Variants in ALDOB observed in about 807,000 individuals in gnomAD.
ALDOB encodes fructose-bisphosphate aldolase B.
ALDOB carries 39 observed loss-of-function variants against 41.0 expected under a neutral mutation model. The observed-to-expected ratio is 0.95, with a 90% confidence interval of 0.74 to 1.24. The LOEUF (loss-of-function observed/expected upper bound fraction) is 1.24, where lower values mean the gene tolerates loss of function less well. Among genes scored for constraint, ALDOB ranks in the 50% most tolerant of loss-of-function variants. The probability of loss-of-function intolerance (pLI) is 0.00; values close to 1 mark genes in which losing one functional copy is unlikely to be tolerated. For synonymous variants in ALDOB, 175 were observed against 168.8 expected (o/e 1.04, Z -0.28); for missense variants, 530 against 457.3 (o/e 1.16, Z -1.45).
intron 2 of ALDOB, 93 bp from the exon 3 acceptor site, chr9:101,430,059 G>A (rs1831195472): frequency 2.3e-5 from 26 of 1,131,478 alleles, no homozygotes; most frequent in Non-Finnish European, 3.4e-5. Context: ...CACCACAGTG[G>A]AAAGCAAGAC....
intron 1 of ALDOB, among the ~76,000 whole-genome samples, chr9:101,431,491 G>A (rs763208780): frequency 5.9e-5 from 9 of 152,144 alleles, no homozygotes; most frequent in African/African-American, 1.4e-4. Flanking sequence ...AAACCACTTG[G>A]GGCAGACCAG....
chr9:101,424,301 C>A (rs1831091643), intron 8 of ALDOB, among the ~76,000 whole-genome samples: 1 of 152,108 alleles, frequency 6.6e-6, no homozygotes, highest in Non-Finnish European at 1.5e-5. Flanking sequence ...TGCCTCTAGT[C>A]CCAGCTACTT....
At chr9:101,433,118 C>A (rs1831243515) in intron 1 of ALDOB, among the ~76,000 whole-genome samples, 1 of 152,170 alleles carries the variant, frequency 6.6e-6, no homozygotes. Flanking sequence ...TCTATGAGCA[C>A]CCTGCTCATT....
chr9:101,430,032 A>G (rs915130222), intron 2 of ALDOB, 66 bp from the exon 3 acceptor site: 20 of 1,351,564 alleles, frequency 1.5e-5, no homozygotes, highest in South Asian at 2.3e-5. Flanking sequence ...CCTTCTCCAC[A>G]TCATCTCAGA....
At position 101,430,729 on chromosome 9, in the gene ALDOB, GA is replaced by G. The variant is rs760291574; in HGVS notation, c.112+46del. The G allele has an allele frequency of 5.0e-5, 72 of 1,433,768 alleles. No individual in the cohort carries two copies. In the African/African-American group the frequency reaches 8.7e-4, roughly 17 times the overall value. 88.8% of individuals were successfully genotyped at this position (1,433,768 alleles called of 1,614,324 possible). A position where few individuals can be genotyped will look rare whatever the true frequency, so the allele number is the denominator to read the frequency against. ...TATCAAGTTGTTTTTGCTAAGTGTAGAAAAAATAATATGTTGTTATATGATG... is the reference window on the plus strand; with the variant it reads ...TATCAAGTTGTTTTTGCTAAGTGTAGAAAAATAATATGTTGTTATATGATG... On this transcript the variant is annotated intron_variant, in intron 2 of 8. Transcript: ENST00000647789.
At position 101,425,570 on chromosome 9, in the gene ALDOB, G is replaced by T; in HGVS notation, c.682C>A (p.Leu228Met). ...GCAGTCACCATGTTGGGCTTTAGCA[G>T]GGTGCCCTCCAGGTAAACATGATGG... ...NDHHVYLEGT[L>M]LKPNMVTAGH... is the part of the protein sequence containing the mutation. Residue 228 changes from leucine (L) to methionine (M), a missense_variant, in exon 7 of 9, where the codon CTG becomes ATG. Transcript: ENST00000647789. 6.2e-7 allele frequency: 1 copy of T among 1,614,170 alleles called. No individual in the cohort carries two copies. The highest frequency in any genetic ancestry group is 8.5e-7 in the Non-Finnish European group (1 of 1,180,032).
At position 101,427,647 on chromosome 9, in the gene ALDOB, A is replaced by G; in HGVS notation, c.380-5T>C. ...GCTCTGAGAGGCCATCAAGCCCTGC[A>G]AGTCACAAAAGAGAGAAAGGCTTCT... On this transcript the variant is annotated splice_polypyrimidine_tract_variant and splice_region_variant and intron_variant, in intron 4 of 8. Transcript: ENST00000647789. The G allele has an allele frequency of 6.2e-7, 1 of 1,614,040 alleles. No homozygotes were observed.
In ALDOB at chr9:101,424,895, C is replaced by T. The variant is rs1434492091; in HGVS notation, c.947G>A (p.Gly316Asp). The stretch of plus-strand genomic sequence containing the variant: ...GGTTGCCTCCTTGTTTGCAGCCTTG[C>T]CACCCCAGGCAGCCAGTGCACTGGC... ...LQASALAAWG[G>D]KAANKEATQE... The change falls in exon 8 of 9, where the codon GGC (glycine) becomes GAC (aspartate). Residue 316 changes from glycine to aspartate, a missense_variant. Physicochemically the swap from Gly to Asp is moderately conservative, Grantham distance 94. Transcript: ENST00000647789. The T allele has an allele frequency of 9.9e-6, 16 of 1,613,922 alleles. No homozygotes were observed. Among genetic ancestry groups the T allele is most frequent in the Non-Finnish European group, 1.4e-5 (16 of 1,180,048 alleles).
chr9:101,429,469 TA>T (rs1395974501), intron 3 of ALDOB, among the ~76,000 whole-genome samples: 2 of 152,214 alleles, frequency 1.3e-5, no homozygotes, highest in Non-Finnish European at 2.9e-5. Flanking sequence ...TAGAAACTTT[TA>T]GTCATTTCAT....
At chr9:101,424,511 G>T (rs147031198) in intron 8 of ALDOB, among the ~76,000 whole-genome samples, 1 of 152,046 alleles carries the variant, frequency 6.6e-6, no homozygotes, top group Non-Finnish European at 1.5e-5. Context: ...CAATATAATC[G>T]CTGCTTTTCT....
intron 8 of ALDOB, 71 bp from the exon 9 acceptor site, chr9:101,421,975 C>A: frequency 7.9e-7 from 1 of 1,272,784 alleles, no homozygotes; most frequent in Middle Eastern, 2.0e-4. Flanking sequence ...GTCTGCCTCT[C>A]ATGGGAAACC....
Position 101,425,534 on chromosome 9 carries a change from A to G in ALDOB, c.718T>C (p.Cys240Arg), listed in dbSNP as rs1831115180. 6.2e-7 allele frequency: 1 copy of G among 1,614,150 alleles called. No individual in the cohort carries two copies. The highest frequency in any genetic ancestry group is 8.5e-7 in the Non-Finnish European group (1 of 1,180,012). The change falls in exon 7 of 9, where the codon TGC becomes CGC. Residue 240 changes from cysteine (C) to arginine (R), a missense_variant. Transcript: ENST00000647789. The stretch of plus-strand genomic sequence containing the variant: ...TGTTCTGGAGTATACTTCTTGGTGC[A>G]GGCATGTCCAGCAGTCACCATGTTG... Reference protein sequence around the residue: ...KPNMVTAGHACTKKYTPEQVA... With the variant: ...KPNMVTAGHARTKKYTPEQVA...
chr9:101,426,585 G>A lies in ALDOB; in HGVS notation c.594C>T (p.Asp198=). ...CAGTAACATACTGGCAGTGTTCCAGGTCATGGTCTCCATCAGGAATTACCT... is the reference window on the plus strand; with the variant it reads ...CAGTAACATACTGGCAGTGTTCCAGATCATGGTCTCCATCAGGAATTACCT... ...EPEVIPDGDH[D]LEHCQYVTEK... The change falls in exon 6 of 9, where the codon GAC becomes GAT. Residue 198 remains aspartate (D), a synonymous_variant. Transcript: ENST00000647789. 1.9e-6 allele frequency: 3 copies of A among 1,612,914 alleles called. No individual in the cohort carries two copies. Among genetic ancestry groups the A allele is most frequent in the Non-Finnish European group, 2.5e-6 (3 of 1,178,912 alleles).
intron 4 of ALDOB, 133 bp from the exon 5 acceptor site, chr9:101,427,775 C>A: frequency 1.9e-6 from 2 of 1,040,262 alleles, no homozygotes; most frequent in Non-Finnish European, 2.9e-6. Context: ...AACAGCCAAG[C>A]ATATCAGCAT....
Position 101,426,593 on chromosome 9 carries a change from C to G in ALDOB, c.586G>C (p.Asp196His). ...IVEPEVIPDG[D>H]HDLEHCQYVT... ...TACTGGCAGTGTTCCAGGTCATGGTCTCCATCAGGAATTACCTCTGGTTCA... is the reference window on the plus strand; with the variant it reads ...TACTGGCAGTGTTCCAGGTCATGGTGTCCATCAGGAATTACCTCTGGTTCA... Residue 196 changes from aspartate to histidine, a missense_variant, in exon 6 of 9, where the codon GAC (aspartate) becomes CAC (histidine). By Grantham distance (81) the Asp-to-His change is moderately conservative. Coordinates refer to ENST00000647789, the MANE Select transcript of ALDOB (RefSeq NM_000035.4). 1.2e-6 allele frequency: 2 copies of G among 1,613,346 alleles called. No homozygotes were observed. Among genetic ancestry groups the G allele is most frequent in the Non-Finnish European group, 1.7e-6 (2 of 1,179,318 alleles).
In ALDOB at chr9:101,429,901, G is replaced by T. The variant is rs118204429; in HGVS notation, c.178C>A (p.Arg60=). The T allele has an allele frequency of 3.1e-5, 50 of 1,613,952 alleles. No homozygotes were observed. The highest frequency in any genetic ancestry group is 4.1e-5 in the Non-Finnish European group (48 of 1,180,020). The change falls in exon 3 of 9, where the codon CGA becomes AGA. Residue 60 remains arginine (R), a synonymous_variant. Coordinates refer to ENST00000647789, the MANE Select transcript of ALDOB (RefSeq NM_000035.4). The part of the protein sequence containing the change: ...ENTEENRRQF[R]EILFSVDSSI... ...CTGTCCACAGAGAAGAGGATTTCTC[G>T]GAACTGCCGGCGGTTCTCTTCAGTG...
At chr9:101,428,313 C>G (rs1319408707) in intron 4 of ALDOB, among the ~76,000 whole-genome samples, 156 bp downstream of exon 4, 1 of 152,142 alleles carries the variant, frequency 6.6e-6, no homozygotes. Context: ...CCCAAGGTCA[C>G]AGTTGTTAAA....
intron 8 of ALDOB, 118 bp from the exon 9 acceptor site, chr9:101,422,022 C>T: frequency 1.2e-6 from 1 of 841,520 alleles, no homozygotes; most frequent in Non-Finnish European, 2.0e-6. Flanking sequence ...CTTTTTACAG[C>T]AATGTTGCTG....
intron 1 of ALDOB, among the ~76,000 whole-genome samples, chr9:101,435,253 AC>A (rs1831274333): frequency 6.6e-6 from 1 of 152,220 alleles, no homozygotes; most frequent in Admixed American, 6.5e-5. Flanking sequence ...CAGTGTCGGT[AC>A]CAGTAGGTGT....
Sources: allele counts gnomAD v4.1 joint callset (sites outside exome capture counted in the v4.1 genomes callset), GRCh38; gene constraint gnomAD v4.1.1; transcripts MANE v1.5; gene names NCBI Gene and HGNC (gene_info 2026-07-23, HGNC 2026-07-21).